The following AFF3 variants were observed in gnomAD, a reference collection of about 807,000 sequenced individuals.
AFF3 encodes the protein AF4/FMR2 family member 3.
Under a neutral mutation model 129.7 loss-of-function variants are expected in AFF3, and 32 were observed. That is an observed-to-expected ratio of 0.25 (90% confidence interval 0.19 to 0.33). AFF3 has a LOEUF of 0.33. AFF3 is among the 10% of genes least tolerant of loss of function. The pLI is 1.00. For synonymous variants in AFF3, 644 were observed against 635.4 expected (o/e 1.01, Z -0.20); for missense variants, 1,373 against 1,592.0 (o/e 0.86, Z 2.34).
rs981311170 is a variant in AFF3, at chr2:99,578,506, A to G, written c.2794-55T>C. The stretch of plus-strand genomic sequence containing the variant: ...AAATTGGCCACCTGGTGAAGCGAGC[A>G]GCCCATCACATACATACATACGTAG... On this transcript the variant is annotated intron_variant, in intron 17 of 24. Transcript: ENST00000672756. 1.3e-4 allele frequency: 202 copies of G among 1,602,446 alleles called. No homozygotes were observed. The African/African-American group carries it at 2.5e-3, about 20-fold the overall frequency.
intron 8 of AFF3, among the ~76,000 whole-genome samples, chr2:99,788,164 CAAT>C (rs751463114): frequency 1.1e-4 from 16 of 152,086 alleles, no homozygotes; most frequent in Non-Finnish European, 1.5e-4. Context: ...TGATAATAAA[CAAT>C]GATGTCACAG....
chr2:99,750,872 C>A (rs1195093052), intron 9 of AFF3, among the ~76,000 whole-genome samples: 1 of 152,144 alleles, frequency 6.6e-6, no homozygotes, highest in Non-Finnish European at 1.5e-5. Context: ...TCAGTGTCCA[C>A]TGAAAGGAAT....
chr2:99,693,355 T>C (rs1675869056), intron 11 of AFF3, among the ~76,000 whole-genome samples: 6 of 152,198 alleles, frequency 3.9e-5, no homozygotes, highest in Admixed American at 3.9e-4. Flanking sequence ...GGAAATAAAC[T>C]TTCTTTCTAC....
intron 7 of AFF3, among the ~76,000 whole-genome samples, chr2:99,973,002 C>T (rs1239325974): frequency 6.6e-6 from 1 of 152,182 alleles, no homozygotes; most frequent in Admixed American, 6.5e-5. Flanking sequence ...CTTTTCTCCT[C>T]TACTGATTTT....
chr2:99,889,948 C>G (rs1347423567), intron 7 of AFF3, among the ~76,000 whole-genome samples: 1 of 152,310 alleles, frequency 6.6e-6, no homozygotes, highest in South Asian at 2.1e-4. Flanking sequence ...GCATGAGCCA[C>G]CGCATCCAGC....
chr2:99,584,600 AC>A (rs1677910796), intron 16 of AFF3, among the ~76,000 whole-genome samples: 1 of 152,194 alleles, frequency 6.6e-6, no homozygotes, highest in Admixed American at 6.5e-5. Context: ...TCCAAAATCA[AC>A]CATCAGTGAA....
At chr2:99,601,328 C>A in intron 14 of AFF3, 107 bp downstream of exon 14, 2 of 1,330,136 alleles carry the variant, frequency 1.5e-6, no homozygotes, top group Non-Finnish European at 2.0e-6. Flanking sequence ...TTGGGGTCTG[C>A]AGGAGGGAGG....
At chr2:100,012,360 T>C (rs1345728266) in intron 4 of AFF3, among the ~76,000 whole-genome samples, 2 of 152,192 alleles carry the variant, frequency 1.3e-5, no homozygotes, top group Non-Finnish European at 2.9e-5. Flanking sequence ...AACCTACCCA[T>C]TCCTTCTCTT....
At chr2:99,868,469 T>C (rs1691611548) in intron 7 of AFF3, among the ~76,000 whole-genome samples, 1 of 152,066 alleles carries the variant, frequency 6.6e-6, no homozygotes, top group African/African-American at 2.4e-5. Context: ...TGAGGGAAGA[T>C]GTGTCCCAAA....
chr2:99,959,571 T>TA (rs1413508355), intron 7 of AFF3, among the ~76,000 whole-genome samples: 2 of 150,948 alleles, frequency 1.3e-5, no homozygotes, highest in Admixed American at 6.6e-5. Context: ...AAATGAAGCA[T>TA]AAAAAAAATC....
At chr2:99,902,417 C>T (rs1694409244) in intron 7 of AFF3, among the ~76,000 whole-genome samples, 1 of 152,056 alleles carries the variant, frequency 6.6e-6, no homozygotes, top group South Asian at 2.1e-4. Flanking sequence ...AAACACACAC[C>T]GCGCACTCAC....
At chr2:99,779,107 C>T (rs1005016087) in intron 8 of AFF3, among the ~76,000 whole-genome samples, 34 of 152,094 alleles carry the variant, frequency 2.2e-4, no homozygotes, top group Non-Finnish European at 3.8e-4. Context: ...GTCTAGCTCC[C>T]GATCTTAGGG....
At chr2:99,808,677 A>T (rs1686547831) in intron 8 of AFF3, among the ~76,000 whole-genome samples, 1 of 152,244 alleles carries the variant, frequency 6.6e-6, no homozygotes, top group Admixed American at 6.5e-5. Flanking sequence ...AAGAAAAAAA[A>T]ACAAGAAAGT....
chr2:99,663,381 C>T (rs1686409953), intron 12 of AFF3, among the ~76,000 whole-genome samples: 1 of 152,190 alleles, frequency 6.6e-6, no homozygotes, highest in Non-Finnish European at 1.5e-5. Context: ...ACCTCACCTA[C>T]AATCTTGGTA....
chr2:99,673,314 C>A (rs918390454), intron 11 of AFF3, among the ~76,000 whole-genome samples: 1 of 152,050 alleles, frequency 6.6e-6, no homozygotes, highest in East Asian at 1.9e-4. Flanking sequence ...GAAAACCAAG[C>A]AGGAGGGCGC....
intron 8 of AFF3, among the ~76,000 whole-genome samples, chr2:99,805,215 C>A (rs1686247111): frequency 6.6e-6 from 1 of 152,048 alleles, no homozygotes; most frequent in Non-Finnish European, 1.5e-5. Flanking sequence ...TGATTCAATC[C>A]CATGCTTGGT....
At position 99,786,395 on chromosome 2, in the gene AFF3, C is replaced by T. The variant is rs77964042; in HGVS notation, c.922-34094G>A. Among the ~76,000 whole-genome samples the T allele has an allele frequency of 2.2e-3, 334 of 152,198 alleles. 2 individuals carry two copies. Among genetic ancestry groups the T allele is most frequent in the African/African-American group, 7.6e-3 (316 of 41,520 alleles). On this transcript the variant is annotated intron_variant, in intron 8 of 24. Transcript: ENST00000672756. ...CCGTTAATGTCAGTTGTGGCTATTG[C>T]AATGATTAAAGATTAACACGGCCAT...
At chr2:99,695,628 C>A (rs748839594) in intron 11 of AFF3, among the ~76,000 whole-genome samples, 13 of 152,166 alleles carry the variant, frequency 8.5e-5, no homozygotes, top group Non-Finnish European at 1.8e-4. Flanking sequence ...AGGGGCCGCC[C>A]TTCCCTACTT....
At chr2:100,057,264 T>C (rs775606052) in intron 4 of AFF3, among the ~76,000 whole-genome samples, 4 of 138,418 alleles carry the variant, frequency 2.9e-5, no homozygotes, top group African/African-American at 8.2e-5. Context: ...GAGGTTGCAG[T>C]GAGCTGAGAT....
Sources: gnomAD v4.1 joint callset for allele counts (sites outside exome capture counted in the v4.1 genomes callset) on GRCh38, gnomAD v4.1.1 for gene constraint, MANE v1.5 for transcripts, NCBI Gene and HGNC (gene_info 2026-07-23, HGNC 2026-07-21) for gene names.